The following CDYL2 variants were observed in gnomAD, a reference collection of about 807,000 sequenced individuals.
CDYL2 encodes chromodomain Y-like protein 2.
CDYL2 carries 23 observed loss-of-function variants against 49.4 expected under a neutral mutation model. That is an observed-to-expected ratio of 0.47 (90% CI 0.34 to 0.66). The LOEUF is 0.66. Ranked by LOEUF, CDYL2 falls within the 30% of genes least tolerant of loss-of-function variation. The probability of loss-of-function intolerance (pLI) is 0.01; values close to 1 mark genes in which losing one functional copy is unlikely to be tolerated. For missense variants in CDYL2, 678 were observed against 656.4 expected, an observed-to-expected ratio of 1.03 and a Z score of -0.36; for synonymous variants, 360 against 268.8, an observed-to-expected ratio of 1.34 and a Z score of -3.32.
rs1347839375 is a variant in CDYL2 at position 80,600,827 on chromosome 16, G to A, written c.*3561C>T. 1 of 152,112 alleles carries A rather than the reference G, an allele frequency of 6.6e-6. No homozygotes were observed. The highest frequency in any genetic ancestry group is 1.5e-5 in the Non-Finnish European group (1 of 68,026). The allele number at this position is 152,112 out of a possible 1,614,324, so 9.4% of individuals were successfully genotyped here. A position where few individuals can be genotyped will look rare whatever the true frequency, so the allele number is the denominator to read the frequency against. On this transcript the variant is annotated 3_prime_UTR_variant, in exon 7 of 7. Transcript: ENST00000570137. ...AATTTTTAAAACCAAAAATTAATGG[G>A]AAATGCAATTCAGCATTCAGTGAAG...
chr16:80,671,745 G>C (rs1377784160), intron 2 of CDYL2, among the ~76,000 whole-genome samples: 3 of 152,152 alleles, frequency 2.0e-5, no homozygotes, highest in South Asian at 4.1e-4. Context: ...CACACGTCTG[G>C]CAAGGCAATG....
chr16:80,670,896 A>G, intron 2 of CDYL2: 1 of 455,932 alleles, frequency 2.2e-6, no homozygotes, highest in South Asian at 1.5e-5. Flanking sequence ...CGAGGAAGAT[A>G]AAAGGGGCTC....
intron 1 of CDYL2, among the ~76,000 whole-genome samples, chr16:80,747,265 C>T (rs934576590): frequency 1.3e-5 from 2 of 152,156 alleles, no homozygotes; most frequent in Non-Finnish European, 2.9e-5. Flanking sequence ...ATCTCAGCAT[C>T]TAGCATCTGA....
chr16:80,766,697 T>C (rs757826890), intron 1 of CDYL2, among the ~76,000 whole-genome samples: 44 of 152,190 alleles, frequency 2.9e-4, no homozygotes, highest in Non-Finnish European at 5.7e-4. Context: ...TGACTCCAGA[T>C]AGATAGATCA....
intron 2 of CDYL2, among the ~76,000 whole-genome samples, chr16:80,657,410 A>G (rs531270285): frequency 6.6e-6 from 1 of 152,350 alleles, no homozygotes; most frequent in Non-Finnish European, 1.5e-5. Flanking sequence ...CCAATTGTAA[A>G]GAACTTTTAA....
chr16:80,801,058 G>A (rs778667135), intron 1 of CDYL2, among the ~76,000 whole-genome samples: 3 of 152,218 alleles, frequency 2.0e-5, no homozygotes, highest in African/African-American at 4.8e-5. Context: ...GTCAAAATGC[G>A]TATGCAGCCT....
intron 1 of CDYL2, among the ~76,000 whole-genome samples, chr16:80,747,095 G>A (rs1339970151): frequency 6.6e-6 from 1 of 152,066 alleles, no homozygotes; most frequent in Non-Finnish European, 1.5e-5. Flanking sequence ...TTTTCTTACG[G>A]CATAGAAATC....
intron 1 of CDYL2, among the ~76,000 whole-genome samples, chr16:80,796,653 T>C (rs1236385086): frequency 6.6e-6 from 1 of 152,230 alleles, no homozygotes; most frequent in Non-Finnish European, 1.5e-5. Flanking sequence ...TCTTTTGTTA[T>C]CCAAGTCATC....
rs138307002 is a variant in CDYL2 at position 80,633,276 on chromosome 16, A to G, written c.617-40T>C. The G allele has an allele frequency of 3.0e-5, 48 of 1,584,430 alleles. No individual in the cohort carries two copies. In the African/African-American group the frequency reaches 6.3e-4, roughly 21 times the overall value. On this transcript the variant is annotated intron_variant, in intron 2 of 6. Coordinates refer to ENST00000570137, the MANE Select transcript of CDYL2 (RefSeq NM_152342.4). The stretch of plus-strand genomic sequence containing the variant: ...TAAACAATGTAAGAAACTGAAATGG[A>G]CCACGATCCTAGAAGGATGTGATCA...
At chr16:80,757,549 A>T (rs1362282804) in intron 1 of CDYL2, among the ~76,000 whole-genome samples, 7,172 of 146,344 alleles carry the variant, frequency 0.049, 461 homozygotes, top group African/African-American at 0.15. Context: ...AAAAAAAAAA[A>T]AAAAATATAT....
Position 80,771,469 on chromosome 16 carries a change from C to T in CDYL2, c.24+32681G>A, listed in dbSNP as rs533323660. 1.6e-4 allele frequency among the ~76,000 whole-genome samples: 24 copies of T among 152,304 alleles called. No individual in the cohort carries two copies. In the South Asian group the frequency reaches 1.7e-3, roughly 11 times the overall value. ...CTGTAATCCCAGCACTTCGGGAGGCCGAGGTAGGCGGATCACTTGTGGTCT... is the reference window on the plus strand; with the variant it reads ...CTGTAATCCCAGCACTTCGGGAGGCTGAGGTAGGCGGATCACTTGTGGTCT... On this transcript the variant is annotated intron_variant, in intron 1 of 6. Coordinates refer to ENST00000570137, the MANE Select transcript of CDYL2 (RefSeq NM_152342.4).
At chr16:80,737,109 G>A (rs956037356) in intron 1 of CDYL2, among the ~76,000 whole-genome samples, 1 of 152,136 alleles carries the variant, frequency 6.6e-6, no homozygotes, top group Non-Finnish European at 1.5e-5. Flanking sequence ...ACAGCCTGTA[G>A]GAAAACTGAG....
chr16:80,607,860 C>A (rs1385437371), intron 6 of CDYL2, among the ~76,000 whole-genome samples: 1 of 152,234 alleles, frequency 6.6e-6, no homozygotes, highest in African/African-American at 2.4e-5. Context: ...ATCCATCTCT[C>A]CTGTGAGGTT....
intron 1 of CDYL2, among the ~76,000 whole-genome samples, chr16:80,695,033 C>T (rs370242052): frequency 2.3e-4 from 35 of 152,300 alleles, no homozygotes; most frequent in East Asian, 1.5e-3. Context: ...AATTATAACC[C>T]GAAGAATAAA....
chr16:80,767,806 C>T (rs1906776392), intron 1 of CDYL2, among the ~76,000 whole-genome samples: 1 of 152,152 alleles, frequency 6.6e-6, no homozygotes, highest in Non-Finnish European at 1.5e-5. Context: ...TGAACAATCT[C>T]TAGCTTTTCT....
intron 2 of CDYL2, among the ~76,000 whole-genome samples, chr16:80,643,386 C>T (rs900507262): frequency 6.6e-6 from 1 of 152,190 alleles, no homozygotes; most frequent in Admixed American, 6.5e-5. Flanking sequence ...TTTCCAGGTG[C>T]CCAGCACAAG....
chr16:80,656,410 C>T (rs1378632542), intron 2 of CDYL2, among the ~76,000 whole-genome samples: 1 of 152,254 alleles, frequency 6.6e-6, no homozygotes, highest in Non-Finnish European at 1.5e-5. Flanking sequence ...TGCCTGCATT[C>T]AGATCCCACA....
At chr16:80,803,844 G>A in intron 1 of CDYL2, among the ~76,000 whole-genome samples, 1 of 146,258 alleles carries the variant, frequency 6.8e-6, no homozygotes. Flanking sequence ...TACCTCCCCC[G>A]CCCCGGCTCC....
rs1906140984 is a variant in CDYL2 at position 80,602,629 on chromosome 16, CTCT to C, written c.*1756_*1758del. On this transcript the variant is annotated 3_prime_UTR_variant, in exon 7 of 7. Transcript: ENST00000570137. ...GTTAGAGAACTGTCACCAGAACTCTCTCTTCTAAGCCTGCCTCACCTCCATAAG... is the reference window on the plus strand; with the variant it reads ...GTTAGAGAACTGTCACCAGAACTCTCTCTAAGCCTGCCTCACCTCCATAAG... 1 of 152,240 alleles carries C rather than the reference CTCT, an allele frequency of 6.6e-6. No individual in the cohort carries two copies. The highest frequency in any genetic ancestry group is 2.4e-5 in the African/African-American group (1 of 41,432). The allele number at this position is 152,240 out of a possible 1,614,324, so 9.4% of individuals were successfully genotyped here.
Sources: gnomAD v4.1 joint callset for allele counts (sites outside exome capture counted in the v4.1 genomes callset) on GRCh38, gnomAD v4.1.1 for gene constraint, MANE v1.5 for transcripts, NCBI Gene and HGNC (gene_info 2026-07-23, HGNC 2026-07-21) for gene names.